Variants in HORMAD2 observed in about 807,000 individuals in gnomAD.
HORMAD2 encodes HORMA domain containing 2, also known as HORMA domain-containing protein 2.
A neutral mutation model predicts 38.8 loss-of-function variants in HORMAD2; 45 were observed. The ratio of observed to expected loss-of-function variants is 1.16; its 90% CI spans 0.91 to 1.49. The LOEUF (loss-of-function observed/expected upper bound fraction) is 1.49, where lower values mean the gene tolerates loss of function less well. Ranked by LOEUF, HORMAD2 falls within the 40% of genes most tolerant of loss-of-function variation. The probability of loss-of-function intolerance (pLI) is 0.00; values close to 1 mark genes in which losing one functional copy is unlikely to be tolerated. For synonymous variants in HORMAD2, 126 were observed against 122.8 expected, an observed-to-expected ratio of 1.03 and a Z score of -0.17; for missense variants, 338 against 367.0, an observed-to-expected ratio of 0.92 and a Z score of 0.65.
At chr22:30,189,950 C>T in the HORMAD2 span, among the ~76,000 whole-genome samples, 2 of 152,138 alleles carry the variant, frequency 1.3e-5, no homozygotes, top group Non-Finnish European at 2.9e-5. Flanking sequence ...TTTTCTCCCA[C>T]AATTAAACTC....
At chr22:30,123,578 T>G (rs1397909538) in intron 10 of HORMAD2, among the ~76,000 whole-genome samples, 2 of 152,118 alleles carry the variant, frequency 1.3e-5, no homozygotes, top group Non-Finnish European at 2.9e-5. Context: ...CAAGCAATCC[T>G]TTCACTTTGA....
At chr22:30,150,528 G>A (rs1924686072) in intron 10 of HORMAD2, among the ~76,000 whole-genome samples, 1 of 152,002 alleles carries the variant, frequency 6.6e-6, no homozygotes, top group Admixed American at 6.6e-5. Flanking sequence ...CTCCTTAGAA[G>A]TCCTCAGATG....
rs569300166 is a variant in HORMAD2 at position 30,121,630 on chromosome 22, A to T, written c.411-2A>T. ...AAAAAGTATGCTTTTTTTTCTGTGT[A>T]GTCATAGCAGCAGTACAAGCTTTGA... On this transcript the variant is annotated splice_acceptor_variant, in intron 8 of 10. Transcript: ENST00000336726. LOFTEE classifies it high-confidence loss of function. 1 of 1,578,278 alleles carries T rather than the reference A, an allele frequency of 6.3e-7. No homozygotes were observed. Among genetic ancestry groups the T allele is most frequent in the Non-Finnish European group, 8.6e-7 (1 of 1,162,880 alleles).
At chr22:30,167,027 C>G (rs1248031225) in intron 10 of HORMAD2, among the ~76,000 whole-genome samples, 1 of 152,160 alleles carries the variant, frequency 6.6e-6, no homozygotes, top group Non-Finnish European at 1.5e-5. Flanking sequence ...TGCCAGAAGT[C>G]CAAAAGCAAT....
chr22:30,082,418 G>C (rs916645942), intron 1 of HORMAD2, among the ~76,000 whole-genome samples: 2 of 152,150 alleles, frequency 1.3e-5, no homozygotes, highest in African/African-American at 4.8e-5. Flanking sequence ...CTAAACAGCA[G>C]CTGGCTAATC....
intron 5 of HORMAD2, among the ~76,000 whole-genome samples, chr22:30,111,166 AAAAG>A (rs1233025268): frequency 2.8e-4 from 42 of 150,770 alleles, no homozygotes; most frequent in East Asian, 1.6e-3. Context: ...AAAAAAAAAA[AAAAG>A]AAAGAAAGAA....
At chr22:30,155,475 C>G (rs1925013186) in intron 10 of HORMAD2, among the ~76,000 whole-genome samples, 1 of 152,134 alleles carries the variant, frequency 6.6e-6, no homozygotes, top group Non-Finnish European at 1.5e-5. Flanking sequence ...ACATGTCCCT[C>G]TAATTAAGCA....
intron 3 of HORMAD2, among the ~76,000 whole-genome samples, chr22:30,101,104 A>C (rs1194637768): frequency 6.6e-6 from 1 of 152,252 alleles, no homozygotes; most frequent in Admixed American, 6.5e-5. Flanking sequence ...AAGTATTATA[A>C]ATCATTCTAT....
chr22:30,126,178 T>C (rs1366185746), intron 10 of HORMAD2, among the ~76,000 whole-genome samples: 1 of 152,186 alleles, frequency 6.6e-6, no homozygotes, highest in Non-Finnish European at 1.5e-5. Context: ...GACTTTTTTT[T>C]TTTGAGACGG....
intron 1 of HORMAD2, among the ~76,000 whole-genome samples, chr22:30,088,994 A>G (rs1475698017): frequency 1.3e-5 from 2 of 152,212 alleles, no homozygotes; most frequent in African/African-American, 4.8e-5. Context: ...TTTAAGGGTT[A>G]AAGAACTATT....
At chr22:30,207,002 G>C in the HORMAD2 span, 1 of 462,798 alleles carries the variant, frequency 2.2e-6, no homozygotes, top group South Asian at 1.6e-5. Context: ...GGCAGAGACA[G>C]AGCCCCAGCA....
rs753815712 is a variant in HORMAD2 at position 30,104,477 on chromosome 22, G to T, written c.294+40G>T. 1.4e-5 allele frequency: 21 copies of T among 1,519,158 alleles called. No individual in the cohort carries two copies. The South Asian group carries it at 2.4e-4, about 17-fold the overall frequency. The allele number at this position is 1,519,158 out of a possible 1,614,324, so 94.1% of individuals were successfully genotyped here. On this transcript the variant is annotated intron_variant, in intron 5 of 10. Transcript: ENST00000336726. ...ACACTTACACTGGAATCAAAGGCTT[G>T]TCTTTTATTCTTTAAAAAAAGAAAT...
At chr22:30,195,210 A>G in the HORMAD2 span, among the ~76,000 whole-genome samples, 3 of 151,268 alleles carry the variant, frequency 2.0e-5, no homozygotes, top group East Asian at 5.8e-4. Context: ...AAAAAAAAAA[A>G]GGAAAACCAA....
intron 10 of HORMAD2, among the ~76,000 whole-genome samples, chr22:30,159,951 T>A (rs1428144479): frequency 6.6e-6 from 1 of 152,162 alleles, no homozygotes; most frequent in Non-Finnish European, 1.5e-5. Context: ...AGGGAAAATG[T>A]GTGCACTCTG....
chr22:30,122,768 C>A (rs1182380290), intron 10 of HORMAD2, among the ~76,000 whole-genome samples: 1 of 152,140 alleles, frequency 6.6e-6, no homozygotes, highest in Admixed American at 6.6e-5. Flanking sequence ...GGTCTCTGAT[C>A]CCTTTATCCT....
At chr22:30,128,721 T>C (rs73883370) in intron 10 of HORMAD2, among the ~76,000 whole-genome samples, 11,839 of 152,176 alleles carry the variant, frequency 0.078, 537 homozygotes, top group African/African-American at 0.091. Flanking sequence ...TACTTAAACC[T>C]GGTTGCCTTG....
At position 30,176,063 on chromosome 22, in the gene HORMAD2, A is replaced by T; in HGVS notation, c.820A>T (p.Ile274Phe). The T allele has an allele frequency of 6.2e-7, 1 of 1,607,328 alleles. No homozygotes were observed. The highest frequency in any genetic ancestry group is 8.5e-7 in the Non-Finnish European group (1 of 1,174,064). ...TGCCTCTCTCTGGTGATTCTCACAGATTCAAAGAATGAATTTTGTGTGCAG... is the reference window on the plus strand; with the variant it reads ...TGCCTCTCTCTGGTGATTCTCACAGTTTCAAAGAATGAATTTTGTGTGCAG... ...CDEEEECNDHIQRMNFVCSQQ... is the reference protein window; with the variant it reads ...CDEEEECNDHFQRMNFVCSQQ... Residue 274 changes from isoleucine (I) to phenylalanine (F), a missense_variant and splice_region_variant, in exon 11 of 11, where the codon ATT becomes TTT. Transcript: ENST00000336726.
intron 10 of HORMAD2, among the ~76,000 whole-genome samples, chr22:30,128,408 A>T (rs539923458): frequency 2.0e-5 from 3 of 152,144 alleles, no homozygotes; most frequent in African/African-American, 7.2e-5. Flanking sequence ...GATTTTGTAA[A>T]TATGTTCCAC....
chr22:30,085,627 A>G (rs2068557064), intron 1 of HORMAD2, among the ~76,000 whole-genome samples: 1 of 151,750 alleles, frequency 6.6e-6, no homozygotes, highest in African/African-American at 2.4e-5. Flanking sequence ...GGTGGCACAC[A>G]CCTGTAATCC....
Sources: gnomAD v4.1 joint callset for allele counts (sites outside exome capture counted in the v4.1 genomes callset) on GRCh38, gnomAD v4.1.1 for gene constraint, MANE v1.5 for transcripts, NCBI Gene and HGNC (gene_info 2026-07-23, HGNC 2026-07-21) for gene names.